The following ADGRV1 variants were observed in gnomAD, a reference collection of about 807,000 sequenced individuals.
ADGRV1 encodes G-protein coupled receptor 98.
A neutral mutation model predicts 596.2 loss-of-function variants in ADGRV1; 359 were observed. The ratio of observed to expected loss-of-function variants is 0.60; its 90% CI spans 0.55 to 0.66. The LOEUF is 0.66. Among genes scored for constraint, ADGRV1 ranks in the 30% least tolerant of loss-of-function variants. The probability of loss-of-function intolerance (pLI) is 0.00; values close to 1 mark genes in which losing one functional copy is unlikely to be tolerated. For synonymous variants in ADGRV1, 2,681 were observed against 2,679.2 expected (o/e 1.00, Z -0.02); for missense variants, 7,274 against 7,575.6 (o/e 0.96, Z 1.48).
At chr5:91,088,225 A>T (rs1413845197) in intron 86 of ADGRV1, among the ~76,000 whole-genome samples, 1 of 152,204 alleles carries the variant, frequency 6.6e-6, no homozygotes, top group Non-Finnish European at 1.5e-5. Context: ...TGAAATAAAC[A>T]TCATTTGATT....
At chr5:91,013,554 G>T (rs1439769546) in intron 85 of ADGRV1, among the ~76,000 whole-genome samples, 2 of 151,866 alleles carry the variant, frequency 1.3e-5, no homozygotes, top group East Asian at 3.9e-4. Context: ...TTTTTTAGTG[G>T]GGTTGTTTGC....
intron 3 of ADGRV1, 101 bp downstream of exon 3, chr5:90,618,054 A>G (rs1344270956): frequency 1.4e-5 from 11 of 807,140 alleles, no homozygotes; most frequent in Admixed American, 6.4e-5. Context: ...AGATGAGCCA[A>G]TTCAGATAAC....
chr5:91,056,908 T>C (rs1396918326), intron 85 of ADGRV1, among the ~76,000 whole-genome samples: 2 of 152,154 alleles, frequency 1.3e-5, no homozygotes, highest in Non-Finnish European at 2.9e-5. Flanking sequence ...ATCTCCATAG[T>C]CTAAAATAAA....
intron 70 of ADGRV1, among the ~76,000 whole-genome samples, chr5:90,798,608 A>G (rs1251845906): frequency 6.6e-6 from 1 of 152,096 alleles, no homozygotes; most frequent in Non-Finnish European, 1.5e-5. Context: ...CCAAAACCTG[A>G]CAGAGACACA....
chr5:90,727,675 T>C (rs1751985319), intron 48 of ADGRV1, among the ~76,000 whole-genome samples: 1 of 152,192 alleles, frequency 6.6e-6, no homozygotes, highest in Non-Finnish European at 1.5e-5. Flanking sequence ...ATGCCTGTTC[T>C]GGTATTGTTA....
Position 90,935,372 on chromosome 5 carries a change from ATGGCCAGGGG to A in ADGRV1, c.17857-30040_17857-30031del, listed in dbSNP as rs1269931159. Among the ~76,000 whole-genome samples, 48 of 152,252 alleles carry A rather than the reference ATGGCCAGGGG, an allele frequency of 3.2e-4. No individual in the cohort carries two copies. The East Asian group carries it at 5.6e-3, about 18-fold the overall frequency. On this transcript the variant is annotated intron_variant, in intron 83 of 89. Transcript: ENST00000405460. ...ATATTTGTTAACAATGAGGCTGCTA[ATGGCCAGGGG>A]TGAGTACTAGAGCTTTGCATCTCTC...
At chr5:90,807,525 A>C in intron 72 of ADGRV1, 77 bp from the exon 73 acceptor site, 1 of 1,367,014 alleles carries the variant, frequency 7.3e-7, no homozygotes, top group South Asian at 1.4e-5. Context: ...AAAATACACT[A>C]CTACAGTTTT....
chr5:90,714,403 A>C (rs2149733182), intron 42 of ADGRV1, among the ~76,000 whole-genome samples: 2 of 151,980 alleles, frequency 1.3e-5, no homozygotes, highest in East Asian at 3.9e-4. Context: ...AATATATTGC[A>C]GATATTTCTC....
chr5:90,650,520 G>A (rs1394075445), intron 17 of ADGRV1, among the ~76,000 whole-genome samples: 1 of 152,106 alleles, frequency 6.6e-6, no homozygotes, highest in African/African-American at 2.4e-5. Context: ...TGATAAGCTG[G>A]TTTGCTATAT....
At chr5:90,834,176 C>T (rs536141201) in intron 77 of ADGRV1, among the ~76,000 whole-genome samples, 77 of 152,276 alleles carry the variant, frequency 5.1e-4, no homozygotes, top group Non-Finnish European at 8.2e-4. Context: ...GAGTAGGTTA[C>T]ACACCAAAAT....
chr5:90,645,674 A>G (rs898180117), intron 15 of ADGRV1, among the ~76,000 whole-genome samples: 6 of 150,102 alleles, frequency 4.0e-5, no homozygotes, highest in African/African-American at 1.5e-4. Flanking sequence ...CAGAAATAAT[A>G]TGACCTCTGT....
chr5:91,104,776 A>G lies in ADGRV1; in HGVS notation c.18432+2436A>G, dbSNP rs186974869. On this transcript the variant is annotated intron_variant, in intron 87 of 89. Coordinates refer to ENST00000405460, the MANE Select transcript of ADGRV1 (RefSeq NM_032119.4). Reference sequence around the variant, plus strand: ...TAAATAATATTGGGTTGATGCAAAAATAATTGTGATTTTTGTCATTAAAAG... The same window carrying G: ...TAAATAATATTGGGTTGATGCAAAAGTAATTGTGATTTTTGTCATTAAAAG... 2.0e-4 allele frequency among the ~76,000 whole-genome samples: 30 copies of G among 152,264 alleles called. No homozygotes were observed. In the East Asian group the frequency reaches 3.3e-3, roughly 17 times the overall value.
chr5:90,753,556 C>G lies in ADGRV1; in HGVS notation c.11122-18C>G, dbSNP rs1431159320. 4.5e-6 allele frequency: 7 copies of G among 1,556,566 alleles called. No homozygotes were observed. The highest frequency in any genetic ancestry group is 6.2e-6 in the Non-Finnish European group (7 of 1,133,050). ...ACAATTACAAAATAAATAACATCTTCTTTCTTTAAAATTCTAGATTTTATT... is the reference window on the plus strand; with the variant it reads ...ACAATTACAAAATAAATAACATCTTGTTTCTTTAAAATTCTAGATTTTATT... On this transcript the variant is annotated intron_variant, in intron 53 of 89. Transcript: ENST00000405460.
chr5:90,629,251 A>G lies in ADGRV1; in HGVS notation c.1551A>G (p.Leu517=). 1.2e-6 allele frequency: 2 copies of G among 1,611,118 alleles called. No homozygotes were observed. Among genetic ancestry groups the G allele is most frequent in the South Asian group, 2.2e-5 (2 of 90,586 alleles). The part of the protein sequence containing the change: ...YIQDSDDVYG[L]ITFFPMENQK... ...AGGATAGTGATGATGTCTATGGCCT[A>G]ATAACATTTTTTCCTATGGAAAACC... The change falls in exon 9 of 90, where the codon CTA becomes CTG. Residue 517 remains leucine, a synonymous_variant. Transcript: ENST00000405460.
chr5:90,653,434 T>C lies in ADGRV1; in HGVS notation c.3860T>C (p.Ile1287Thr), dbSNP rs547705769. Residue 1287 changes from isoleucine to threonine, a missense_variant, in exon 20 of 90, where the codon ATA becomes ACA. Physicochemically the swap from Ile to Thr is moderately conservative, Grantham distance 89. Transcript: ENST00000405460. ...VFGDVQLGWEILSSEFPAGLP... is the reference protein window; with the variant it reads ...VFGDVQLGWETLSSEFPAGLP... The stretch of plus-strand genomic sequence containing the variant: ...GGTGATGTACAACTGGGCTGGGAAA[T>C]ACTGTCCAGTGAGTTCCCTGCTGGT... 190 of 1,613,936 alleles carry C rather than the reference T, an allele frequency of 1.2e-4. 4 individuals carry two copies. In the South Asian group the frequency reaches 2.0e-3, roughly 17 times the overall value.
chr5:90,976,218 A>G (rs530848634), intron 84 of ADGRV1, among the ~76,000 whole-genome samples: 26 of 137,356 alleles, frequency 1.9e-4, no homozygotes, highest in Admixed American at 4.8e-4. Flanking sequence ...GTGAGTGTGT[A>G]TATATATATA....
chr5:90,709,255 CT>C (rs1749017364), intron 39 of ADGRV1, among the ~76,000 whole-genome samples: 1 of 151,976 alleles, frequency 6.6e-6, no homozygotes, highest in Non-Finnish European at 1.5e-5. Flanking sequence ...TTTTTATTTT[CT>C]TTTAGGTTAA....
At chr5:90,913,316 G>A (rs1286786012) in intron 83 of ADGRV1, among the ~76,000 whole-genome samples, 3 of 152,110 alleles carry the variant, frequency 2.0e-5, no homozygotes, top group South Asian at 4.1e-4. Flanking sequence ...ACACTTTTAT[G>A]AATTTCACAT....
intron 35 of ADGRV1, 103 bp downstream of exon 35, chr5:90,703,898 C>T: frequency 1.2e-6 from 1 of 812,954 alleles, no homozygotes; most frequent in Non-Finnish European, 1.9e-6. Context: ...TTATCTTTCT[C>T]TCTTCTCCAG....
Sources: allele counts gnomAD v4.1 joint callset (sites outside exome capture counted in the v4.1 genomes callset), GRCh38; gene constraint gnomAD v4.1.1; transcripts MANE v1.5; gene names NCBI Gene and HGNC (gene_info 2026-07-23, HGNC 2026-07-21).